Variants in CD80 observed in about 807,000 individuals in gnomAD.
The protein encoded by CD80 is T-lymphocyte activation antigen CD80.
CD80 carries 13 observed loss-of-function variants against 27.1 expected under a neutral mutation model. That is an observed-to-expected ratio of 0.48 (90% confidence interval 0.31 to 0.76). The LOEUF is 0.76. Among genes scored for constraint, CD80 ranks in the 30% least tolerant of loss-of-function variants. The pLI is 0.04. For missense variants in CD80, 277 were observed against 347.9 expected (o/e 0.80, Z 1.62); for synonymous variants, 125 against 125.5 (o/e 1.00, Z 0.03).
chr3:119,543,495 C>T (rs180884183), intron 3 of CD80, among the ~76,000 whole-genome samples: 308 of 149,686 alleles, frequency 2.1e-3, no homozygotes, highest in African/African-American at 7.4e-3. Flanking sequence ...TTTGCTCTGT[C>T]ACCAAGGCTG....
intron 2 of CD80, among the ~76,000 whole-genome samples, chr3:119,553,754 T>G (rs2082246914): frequency 6.6e-6 from 1 of 152,264 alleles, no homozygotes; most frequent in Non-Finnish European, 1.5e-5. Context: ...AACACAAGTG[T>G]GCTTTTTAAA....
chr3:119,529,054 A>G (rs1045551129), intron 5 of CD80, among the ~76,000 whole-genome samples: 3 of 151,534 alleles, frequency 2.0e-5, no homozygotes, highest in Non-Finnish European at 4.4e-5. Flanking sequence ...GGTTCAAGCA[A>G]TTCTCCTGCT....
chr3:119,555,022 G>A (rs2082255056), intron 2 of CD80, among the ~76,000 whole-genome samples: 1 of 152,152 alleles, frequency 6.6e-6, no homozygotes, highest in Non-Finnish European at 1.5e-5. Context: ...AGCAGCATCA[G>A]CATCACCTAG....
intron 5 of CD80, among the ~76,000 whole-genome samples, chr3:119,529,376 C>G (rs1428688713): frequency 3.9e-5 from 6 of 152,068 alleles, no homozygotes; most frequent in African/African-American, 1.4e-4. Context: ...TTCTCTAACT[C>G]CAAATCAAAA....
At chr3:119,527,564 A>G (rs774254633) in intron 6 of CD80, 169 bp downstream of exon 6, 7 of 521,388 alleles carry the variant, frequency 1.3e-5, no homozygotes, top group Non-Finnish European at 2.4e-5. Flanking sequence ...AGCAAATTGC[A>G]TATGGGGAGA....
At position 119,544,825 on chromosome 3, in the gene CD80, A is replaced by G. The variant is rs142547094; in HGVS notation, c.143T>C (p.Leu48Pro). ...AACAGAAACATTGTGACCACAGGAC[A>G]GCGTTGCCACTTCTTTCACTTCCTT... The part of the protein sequence containing the change: ...VTKEVKEVAT[L>P]SCGHNVSVEE... The change falls in exon 3 of 7, where the codon CTG becomes CCG. Residue 48 changes from leucine (L) to proline (P), a missense_variant. Transcript: ENST00000264246. 1.2e-6 allele frequency: 2 copies of G among 1,614,214 alleles called. No individual in the cohort carries two copies. The highest frequency in any genetic ancestry group is 4.5e-5 in the East Asian group (2 of 44,884).
At chr3:119,555,077 C>T (rs534925246) in intron 2 of CD80, among the ~76,000 whole-genome samples, 1 of 152,184 alleles carries the variant, frequency 6.6e-6, no homozygotes, top group East Asian at 1.9e-4. Context: ...CCCAGACCCA[C>T]CTAAGCAGAA....
intron 4 of CD80, among the ~76,000 whole-genome samples, chr3:119,533,236 C>A (rs2082119200): frequency 6.6e-6 from 1 of 152,290 alleles, no homozygotes; most frequent in East Asian, 1.9e-4. Context: ...CAGGGGCAGA[C>A]CCAGAATCCA....
chr3:119,534,918 A>C (rs2082128483), intron 4 of CD80, among the ~76,000 whole-genome samples: 1 of 152,198 alleles, frequency 6.6e-6, no homozygotes, highest in Non-Finnish European at 1.5e-5. Context: ...GTAGCCGGGC[A>C]TGGTGGCTCA....
Position 119,537,304 on chromosome 3 carries a change from T to G in CD80, c.533A>C (p.Asn178Thr). 1 of 1,613,992 alleles carries G rather than the reference T, an allele frequency of 6.2e-7. No individual in the cohort carries two copies. Among genetic ancestry groups the G allele is most frequent in the Non-Finnish European group, 8.5e-7 (1 of 1,179,908 alleles). Residue 178 changes from asparagine to threonine, a missense_variant, in exon 4 of 7, where the codon AAT (asparagine) becomes ACT (threonine). By Grantham distance (65) the Asn-to-Thr change is moderately conservative (BLOSUM62 0). Transcript: ENST00000264246. ...GTTGATGGCATTTAATTCTTCTCCA[T>G]TTTCCAACCAGGAGAGGTGAGGCTC... ...FPEPHLSWLE[N>T]GEELNAINTT...
intron 4 of CD80, among the ~76,000 whole-genome samples, chr3:119,532,344 G>A (rs1425054609): frequency 1.3e-5 from 2 of 151,914 alleles, no homozygotes; most frequent in African/African-American, 4.8e-5. Flanking sequence ...TCTACTAAAA[G>A]TACAAAAAAT....
intron 2 of CD80, among the ~76,000 whole-genome samples, chr3:119,548,641 T>C (rs1389475365): frequency 6.6e-6 from 1 of 152,192 alleles, no homozygotes; most frequent in Non-Finnish European, 1.5e-5. Context: ...ATTCTTCTTG[T>C]TTACCGATTT....
In CD80 at chr3:119,525,047, T is replaced by C. The variant is rs1054284283; in HGVS notation, c.*741A>G. ...ACCAGTTAAGTCTTTGGACTATCCC[T>C]TTCCTCCTTGACTACTGCTTTGACG... On this transcript the variant is annotated 3_prime_UTR_variant, in exon 7 of 7. Transcript: ENST00000264246. 1.3e-5 allele frequency: 2 copies of C among 152,242 alleles called. No homozygotes were observed. Among genetic ancestry groups the C allele is most frequent in the African/African-American group, 4.8e-5 (2 of 41,470 alleles). 9.4% of individuals were successfully genotyped at this position (152,242 alleles called of 1,614,324 possible). A position where few individuals can be genotyped will look rare whatever the true frequency, so the allele number is the denominator to read the frequency against.
chr3:119,548,455 G>A (rs16829957), intron 2 of CD80, among the ~76,000 whole-genome samples: 56,717 of 151,972 alleles, frequency 0.37, 11,049 homozygotes, highest in East Asian at 0.51. Flanking sequence ...TGGGTTAAAC[G>A]ATGTGCTCAG....
At chr3:119,543,784 A>C (rs975069003) in intron 3 of CD80, among the ~76,000 whole-genome samples, 9 of 152,244 alleles carry the variant, frequency 5.9e-5, no homozygotes, top group African/African-American at 2.2e-4. Flanking sequence ...TCAAATATGC[A>C]ATAAGTAAAT....
intron 4 of CD80, among the ~76,000 whole-genome samples, chr3:119,531,291 A>G (rs929222366): frequency 1.3e-5 from 2 of 152,264 alleles, no homozygotes; most frequent in African/African-American, 4.8e-5. Flanking sequence ...CCACATCTGG[A>G]ACATTTCTCA....
At chr3:119,558,430 GA>G (rs2082275577) in intron 1 of CD80, among the ~76,000 whole-genome samples, 1 of 152,100 alleles carries the variant, frequency 6.6e-6, no homozygotes, top group Non-Finnish European at 1.5e-5. Context: ...CATAAAAAGG[GA>G]GGGAAAAAAA....
intron 2 of CD80, among the ~76,000 whole-genome samples, chr3:119,556,615 C>T (rs2082266251): frequency 6.6e-6 from 1 of 152,172 alleles, no homozygotes; most frequent in African/African-American, 2.4e-5. Context: ...TAAATGACCA[C>T]CATCGCAGTC....
intron 4 of CD80, among the ~76,000 whole-genome samples, chr3:119,536,272 A>G (rs1192406674): frequency 2.0e-5 from 3 of 152,088 alleles, no homozygotes; most frequent in Non-Finnish European, 4.4e-5. Context: ...TAAATAAATA[A>G]AAAGAAAATT....
Sources: allele counts gnomAD v4.1 joint callset (sites outside exome capture counted in the v4.1 genomes callset), GRCh38; gene constraint gnomAD v4.1.1; transcripts MANE v1.5; gene names NCBI Gene and HGNC (gene_info 2026-07-23, HGNC 2026-07-21).